HERC2: variants seen among roughly 807,000 people sequenced by gnomAD.
HERC2 encodes the protein E3 ubiquitin-protein ligase HERC2.
A neutral mutation model predicts 537.7 loss-of-function variants in HERC2; 102 were observed. That is an observed-to-expected ratio of 0.19 (90% confidence interval 0.16 to 0.22). The LOEUF is 0.22. Among genes scored for constraint, HERC2 ranks in the 10% least tolerant of loss-of-function variants. HERC2 has a pLI of 1.00. For synonymous variants in HERC2, 2,224 were observed against 2,466.2 expected (o/e 0.90, Z 2.91); for missense variants, 4,236 against 6,198.2 (o/e 0.68, Z 10.63).
intron 90 of HERC2, 78 bp downstream of exon 90, chr15:28,114,534 A>G: frequency 7.5e-7 from 1 of 1,339,698 alleles, no homozygotes; most frequent in Non-Finnish European, 1.1e-6. Flanking sequence ...CACTCCTGAA[A>G]AACACACATG....
chr15:28,249,950 C>T (rs532722247), intron 20 of HERC2, among the ~76,000 whole-genome samples: 13 of 152,164 alleles, frequency 8.5e-5, no homozygotes, highest in South Asian at 8.3e-4. Flanking sequence ...CCACCACGCC[C>T]GGCCTAAGGA....
At chr15:28,132,339 ATTCTTTTTT>A in intron 80 of HERC2, 78 bp from the exon 81 acceptor site, 3 of 1,340,846 alleles carry the variant, frequency 2.2e-6, no homozygotes, top group Non-Finnish European at 3.0e-6. Context: ...CAACACTGCC[ATTCTTTTTT>A]TATGGGGGTA....
intron 26 of HERC2, among the ~76,000 whole-genome samples, chr15:28,236,518 T>C (rs1279540368): frequency 1.3e-5 from 2 of 152,036 alleles, no homozygotes; most frequent in African/African-American, 4.8e-5. Context: ...CTTGAACTCC[T>C]GACCTCAGGT....
chr15:28,114,541 C>A, intron 90 of HERC2, 71 bp downstream of exon 90: 1 of 1,391,374 alleles, frequency 7.2e-7, no homozygotes, highest in Non-Finnish European at 1.0e-6. Flanking sequence ...GAAAAACACA[C>A]ATGTCCACAC....
chr15:28,127,781 CCAAATAGAGCA>C (rs1461952005), intron 83 of HERC2, among the ~76,000 whole-genome samples: 1 of 152,034 alleles, frequency 6.6e-6, no homozygotes, highest in African/African-American at 2.4e-5. Context: ...GCAGAGCCAG[CCAAATAGAGCA>C]CAACTAGAGC....
At chr15:28,220,320 G>C in intron 37 of HERC2, 132 bp downstream of exon 37, 1 of 795,046 alleles carries the variant, frequency 1.3e-6, no homozygotes, top group Non-Finnish European at 2.1e-6. Context: ...TAAATTGCAG[G>C]CTCCGAGGAC....
At chr15:28,231,846 A>G (rs1901886869) in intron 30 of HERC2, among the ~76,000 whole-genome samples, 1 of 152,158 alleles carries the variant, frequency 6.6e-6, no homozygotes, top group South Asian at 2.1e-4. Flanking sequence ...TCCAAAAAAA[A>G]AAAAAGAAAA....
chr15:28,248,841 T>C (rs1903977592), intron 20 of HERC2, 105 bp from the exon 21 acceptor site: 3 of 887,626 alleles, frequency 3.4e-6, no homozygotes, highest in African/African-American at 1.7e-5. Context: ...ACACAGATCA[T>C]ACATGATGAC....
At chr15:28,310,401 C>T (rs1428140815) in intron 2 of HERC2, among the ~76,000 whole-genome samples, 8 of 151,982 alleles carry the variant, frequency 5.3e-5, no homozygotes, top group Non-Finnish European at 8.8e-5. Flanking sequence ...GTTGAGATCA[C>T]TCCACTGTAC....
At chr15:28,168,862 C>G (rs543453281) in intron 66 of HERC2, among the ~76,000 whole-genome samples, 1 of 152,218 alleles carries the variant, frequency 6.6e-6, no homozygotes, top group African/African-American at 2.4e-5. Flanking sequence ...GAGACTCTGG[C>G]TCTCCCTGAG....
intron 79 of HERC2, among the ~76,000 whole-genome samples, chr15:28,133,191 C>T (rs1042374958): frequency 2.0e-5 from 3 of 151,950 alleles, no homozygotes; most frequent in Non-Finnish European, 4.4e-5. Flanking sequence ...TACCATCTGG[C>T]CCTATAAGGA....
In HERC2 at chr15:28,182,804, A is replaced by G. The variant is rs528534281; in HGVS notation, c.8826-292T>C. On this transcript the variant is annotated intron_variant, in intron 56 of 92. Coordinates refer to ENST00000261609, the MANE Select transcript of HERC2 (RefSeq NM_004667.6). Reference sequence around the variant, plus strand: ...CCAGGCCTTCTCTTTCATCTTAAATACCAACGTGAACATGGGTGGGAATCA... The same window carrying G: ...CCAGGCCTTCTCTTTCATCTTAAATGCCAACGTGAACATGGGTGGGAATCA... Among the ~76,000 whole-genome samples, 116 of 152,276 alleles carry G rather than the reference A, an allele frequency of 7.6e-4. 1 individual carries two copies. The highest frequency in any genetic ancestry group is 2.6e-3 in the African/African-American group (110 of 41,550).
chr15:28,119,758 T>C (rs1002010093), intron 86 of HERC2, among the ~76,000 whole-genome samples: 1 of 152,168 alleles, frequency 6.6e-6, no homozygotes, highest in Non-Finnish European at 1.5e-5. Flanking sequence ...ACGACTAATA[T>C]AAATTTGTTT....
intron 2 of HERC2, among the ~76,000 whole-genome samples, chr15:28,310,936 G>A (rs1169011505): frequency 1.3e-5 from 2 of 151,928 alleles, no homozygotes; most frequent in African/African-American, 4.8e-5. Context: ...AATTAGCCAG[G>A]TGAGGTGGCA....
intron 34 of HERC2, 152 bp downstream of exon 34, chr15:28,229,043 C>G: frequency 2.6e-6 from 2 of 767,416 alleles, no homozygotes; most frequent in Non-Finnish European, 4.5e-6. Context: ...TGTTTAAAAT[C>G]TGAGAAAGCT....
Position 28,113,104 on chromosome 15 carries a change from G to A in HERC2, c.14199C>T (p.Ile4733=), listed in dbSNP as rs775545665. Residue 4733 remains isoleucine, a synonymous_variant, in exon 92 of 93, where the codon ATC becomes ATT. Transcript: ENST00000261609. The surrounding 1 kb of genome is among the most constrained non-coding windows in gnomAD (Gnocchi z 7.0). ...VWGRTRLPRT[I]ADFRGRDFVI... ...CGAAGTCTCGGCCCCGGAAGTCGGC[G>A]ATGGTCCTGGGCAGCCTCGTCCGGC... The A allele has an allele frequency of 2.0e-5, 33 of 1,613,644 alleles. No individual in the cohort carries two copies. The Admixed American group carries it at 2.2e-4, about 11-fold the overall frequency.
At chr15:28,184,399 C>G (rs993563553) in intron 56 of HERC2, among the ~76,000 whole-genome samples, 1 of 152,226 alleles carries the variant, frequency 6.6e-6, no homozygotes, top group South Asian at 2.1e-4. Context: ...GCCTGGGCCA[C>G]TGACTCATTC....
intron 20 of HERC2, among the ~76,000 whole-genome samples, chr15:28,253,071 A>C (rs1414455136): frequency 6.6e-6 from 1 of 152,264 alleles, no homozygotes; most frequent in East Asian, 1.9e-4. Context: ...CCAAGTTTAC[A>C]AAAAGCAGAT....
At chr15:28,131,203 C>A (rs1890073278) in intron 81 of HERC2, among the ~76,000 whole-genome samples, 1 of 152,208 alleles carries the variant, frequency 6.6e-6, no homozygotes, top group Admixed American at 6.5e-5. Flanking sequence ...GCTCTAGTGT[C>A]TGGCCCTACC....
Sources: gnomAD v4.1 joint callset for allele counts (sites outside exome capture counted in the v4.1 genomes callset) on GRCh38, gnomAD v4.1.1 for gene constraint, Gnocchi (gnomAD v3.1) non-coding constraint, MANE v1.5 for transcripts, NCBI Gene and HGNC (gene_info 2026-07-23, HGNC 2026-07-21) for gene names.